Variants in ALK observed in about 807,000 individuals in gnomAD.
The protein encoded by ALK is ALK tyrosine kinase receptor.
ALK carries 74 observed loss-of-function variants against 163.1 expected under a neutral mutation model. That is an observed-to-expected ratio of 0.45 (90% CI 0.38 to 0.55). The LOEUF (loss-of-function observed/expected upper bound fraction) is 0.55. Among genes scored for constraint, ALK ranks in the 20% least tolerant of loss-of-function variants. The pLI is 0.00. For missense variants in ALK, 2,063 were observed against 2,105.3 expected, an observed-to-expected ratio of 0.98 and a Z score of 0.39; for synonymous variants, 960 against 843.2, an observed-to-expected ratio of 1.14 and a Z score of -2.40.
At chr2:29,271,425 C>G (rs1265291460) in intron 11 of ALK, among the ~76,000 whole-genome samples, 1 of 152,212 alleles carries the variant, frequency 6.6e-6, no homozygotes, top group East Asian at 1.9e-4. Context: ...ACCCTCACTT[C>G]TGGGCACATT....
intron 4 of ALK, among the ~76,000 whole-genome samples, chr2:29,480,887 A>G (rs2148118045): frequency 6.6e-6 from 1 of 150,788 alleles, no homozygotes. Context: ...GCAGATTCTG[A>G]TTCACCAGGT....
chr2:29,567,753 A>T (rs919710666), intron 3 of ALK, among the ~76,000 whole-genome samples: 4 of 152,182 alleles, frequency 2.6e-5, no homozygotes, highest in African/African-American at 9.7e-5. Flanking sequence ...GTAAAATGTA[A>T]GCTTTCTTCT....
chr2:29,723,228 C>T (rs1679471478), intron 1 of ALK, among the ~76,000 whole-genome samples: 1 of 152,160 alleles, frequency 6.6e-6, no homozygotes, highest in Non-Finnish European at 1.5e-5. Flanking sequence ...CACAGGTCTC[C>T]TTGCTCTTCC....
At chr2:29,523,678 G>A (rs1204245961) in intron 4 of ALK, among the ~76,000 whole-genome samples, 7 of 151,952 alleles carry the variant, frequency 4.6e-5, no homozygotes, top group African/African-American at 9.7e-5. Flanking sequence ...TATGGGATTG[G>A]CCAAGATGCC....
chr2:29,244,204 G>A (rs542534358), intron 12 of ALK, among the ~76,000 whole-genome samples: 1 of 152,310 alleles, frequency 6.6e-6, no homozygotes, highest in South Asian at 2.1e-4. Flanking sequence ...CGGCAGAGTG[G>A]CATCCTGCTC....
chr2:29,302,190 C>T (rs1156353960), intron 8 of ALK, among the ~76,000 whole-genome samples: 1 of 152,208 alleles, frequency 6.6e-6, no homozygotes, highest in Non-Finnish European at 1.5e-5. Context: ...CTGGACCCAA[C>T]TGTTCAGAGC....
intron 3 of ALK, among the ~76,000 whole-genome samples, chr2:29,663,433 C>T (rs1326265975): frequency 1.3e-5 from 2 of 152,158 alleles, no homozygotes; most frequent in African/African-American, 4.8e-5. Flanking sequence ...TCCCTTCCTC[C>T]TTCCCATCGT....
At chr2:29,721,322 T>G (rs1325544679) in intron 1 of ALK, among the ~76,000 whole-genome samples, 1 of 152,136 alleles carries the variant, frequency 6.6e-6, no homozygotes, top group Admixed American at 6.5e-5. Context: ...TTTACAATTA[T>G]CCTGGAGCAG....
chr2:29,361,132 A>G (rs1393937648), intron 5 of ALK, among the ~76,000 whole-genome samples: 1 of 152,246 alleles, frequency 6.6e-6, no homozygotes, highest in Non-Finnish European at 1.5e-5. Context: ...TCGCCGACGC[A>G]GTCTCAAATC....
intron 4 of ALK, among the ~76,000 whole-genome samples, chr2:29,496,029 T>C (rs1672012891): frequency 6.6e-6 from 1 of 152,192 alleles, no homozygotes; most frequent in Non-Finnish European, 1.5e-5. Context: ...ACTCCTATGT[T>C]GAGATCCCCC....
chr2:29,436,868 A>G (rs1460153057), intron 4 of ALK, among the ~76,000 whole-genome samples: 1 of 152,136 alleles, frequency 6.6e-6, no homozygotes, highest in African/African-American at 2.4e-5. Context: ...AGAGGAGAAA[A>G]TGGCTCTGGA....
chr2:29,869,487 A>G (rs1218517981), intron 1 of ALK, among the ~76,000 whole-genome samples: 1 of 152,218 alleles, frequency 6.6e-6, no homozygotes, highest in Admixed American at 6.5e-5. Context: ...TAGAAGTTAA[A>G]GGAAGCATCA....
chr2:29,378,783 T>G (rs1668820852), intron 5 of ALK, among the ~76,000 whole-genome samples: 1 of 147,822 alleles, frequency 6.8e-6, no homozygotes, highest in African/African-American at 2.5e-5. Context: ...TGGTGCCATC[T>G]CAGCTCACTG....
chr2:29,775,804 T>G (rs1349903906), intron 1 of ALK, among the ~76,000 whole-genome samples: 1 of 152,210 alleles, frequency 6.6e-6, no homozygotes, highest in Non-Finnish European at 1.5e-5. Flanking sequence ...CAATGGATAG[T>G]AACCACCCAG....
At chr2:29,412,367 T>C (rs1416626196) in intron 4 of ALK, among the ~76,000 whole-genome samples, 1 of 152,220 alleles carries the variant, frequency 6.6e-6, no homozygotes, top group Non-Finnish European at 1.5e-5. Flanking sequence ...TGCATGCTTA[T>C]AGATATGCCT....
chr2:29,199,413 T>G (rs1177738437), intron 26 of ALK, among the ~76,000 whole-genome samples: 1 of 152,194 alleles, frequency 6.6e-6, no homozygotes, highest in East Asian at 1.9e-4. Context: ...TTCTTCTAGT[T>G]GTGTTTGTTT....
At chr2:29,509,447 A>G (rs905549367) in intron 4 of ALK, among the ~76,000 whole-genome samples, 15 of 152,330 alleles carry the variant, frequency 9.8e-5, no homozygotes, top group African/African-American at 3.1e-4. Flanking sequence ...AATCCCTTTC[A>G]GTCCCTCCTT....
chr2:29,335,332 A>C (rs1414247014), intron 5 of ALK, among the ~76,000 whole-genome samples: 1 of 152,148 alleles, frequency 6.6e-6, no homozygotes, highest in East Asian at 1.9e-4. Context: ...ACAGGGGGTT[A>C]CCTTTATATA....
intron 4 of ALK, among the ~76,000 whole-genome samples, chr2:29,416,220 C>A (rs1299693130): frequency 2.6e-5 from 4 of 152,202 alleles, no homozygotes; most frequent in Non-Finnish European, 5.9e-5. Context: ...TCAGGAGTGG[C>A]TGGAGGGTTG....
Sources: gnomAD v4.1 joint callset for allele counts (sites outside exome capture counted in the v4.1 genomes callset) on GRCh38, gnomAD v4.1.1 for gene constraint, MANE v1.5 for transcripts, NCBI Gene and HGNC (gene_info 2026-07-23, HGNC 2026-07-21) for gene names.